Variants in PLK1 observed in about 807,000 individuals in gnomAD.
PLK1 encodes polo like kinase 1, also known as serine/threonine-protein kinase PLK1.
PLK1 carries 6 observed loss-of-function variants against 56.7 expected under a neutral mutation model. The observed-to-expected ratio is 0.11, with a 90% CI of 0.06 to 0.21. The LOEUF is 0.21. Among genes scored for constraint, PLK1 ranks in the 10% least tolerant of loss-of-function variants. PLK1 has a pLI of 1.00. For missense variants in PLK1, 546 were observed against 814.4 expected, an observed-to-expected ratio of 0.67 and a Z score of 4.01; for synonymous variants, 298 against 325.0, an observed-to-expected ratio of 0.92 and a Z score of 0.89.
intron 3 of PLK1, among the ~76,000 whole-genome samples, chr16:23,681,617 G>A (rs1959332634): frequency 6.6e-6 from 1 of 152,200 alleles, no homozygotes. Flanking sequence ...TTGGGCCTAG[G>A]TACTGGAGAG....
intron 2 of PLK1, 91 bp from the exon 3 acceptor site, chr16:23,680,823 G>T: frequency 7.8e-7 from 1 of 1,287,716 alleles, no homozygotes. Context: ...GATGGCCCTG[G>T]TTCTGGATGG....
rs563794006 is a variant in PLK1, at chr16:23,680,023, C to T, written c.409-61C>T. ...GCTTCCTTTGCCTGGTAACCCTCTCCCTTCCCCACCGGCCTCAATCCACCT... is the reference window on the plus strand; with the variant it reads ...GCTTCCTTTGCCTGGTAACCCTCTCTCTTCCCCACCGGCCTCAATCCACCT... On this transcript the variant is annotated intron_variant, in intron 1 of 9. Coordinates refer to ENST00000300093, the MANE Select transcript of PLK1 (RefSeq NM_005030.6). The T allele has an allele frequency of 7.9e-5, 97 of 1,233,378 alleles. 1 individual carries two copies. In the African/African-American group the frequency reaches 1.3e-3, roughly 16 times the overall value. The allele number at this position is 1,233,378 out of a possible 1,614,324, so 76.4% of individuals were successfully genotyped here.
chr16:23,679,361 A>T, intron 1 of PLK1, 21 bp downstream of exon 1: 1 of 1,598,914 alleles, frequency 6.3e-7, no homozygotes. Context: ...CTGCTGGGGA[A>T]CTGGAACTGC....
In PLK1 at chr16:23,689,828, G is replaced by A. The variant is rs745971083; in HGVS notation, c.1609-32G>A. The A allele has an allele frequency of 3.1e-6, 5 of 1,597,764 alleles. No individual in the cohort carries two copies. In the African/African-American group the frequency reaches 4.0e-5, roughly 13 times the overall value. On this transcript the variant is annotated intron_variant, in intron 9 of 9. Transcript: ENST00000300093. The surrounding 1 kb of genome is among the most constrained non-coding windows in gnomAD (Gnocchi z 4.8). ...CTCCCTAACATACACTGGCCTCTGG[G>A]ATCGCCAACCCCTGCTGCTCTTCTC...
chr16:23,686,283 A>T (rs1434018545), intron 5 of PLK1, among the ~76,000 whole-genome samples: 1 of 151,988 alleles, frequency 6.6e-6, no homozygotes, highest in African/African-American at 2.4e-5. Context: ...CTCCTGCCTC[A>T]GACTCCTACT....
Position 23,680,104 on chromosome 16 carries a change from G to A in PLK1, c.429G>A (p.Lys143=). 1 of 1,613,886 alleles carries A rather than the reference G, an allele frequency of 6.2e-7. No individual in the cohort carries two copies. Among genetic ancestry groups the A allele is most frequent in the Non-Finnish European group, 8.5e-7 (1 of 1,179,862 alleles). ...CACAGTCTCTCCTGGAGCTGCACAA[G>A]AGGAGGAAAGCCCTGACTGAGCCTG... The part of the protein sequence containing the change: ...CRRRSLLELH[K]RRKALTEPEA... The change falls in exon 2 of 10, where the codon AAG becomes AAA. Residue 143 remains lysine, a synonymous_variant. Coordinates refer to ENST00000300093, the MANE Select transcript of PLK1 (RefSeq NM_005030.6).
chr16:23,679,342 TGA>T lies in PLK1; in HGVS notation c.408+4_408+5del. 6.2e-7 allele frequency: 1 copy of T among 1,607,568 alleles called. No homozygotes were observed. ...GTGTTGGAGCTCTGCCGCCGGAGGG[TGA>T]GTGTCGCTGCTGGGGAACTGGAACT... On this transcript the variant is annotated splice_donor_region_variant and intron_variant, in intron 1 of 9. Transcript: ENST00000300093.
At chr16:23,679,982 C>A in intron 1 of PLK1, 102 bp from the exon 2 acceptor site, 1 of 755,230 alleles carries the variant, frequency 1.3e-6, no homozygotes. Context: ...CTTGGGAGTC[C>A]AGAGTCCAGT....
At chr16:23,683,172 G>A (rs555442593) in intron 4 of PLK1, among the ~76,000 whole-genome samples, 8 of 151,320 alleles carry the variant, frequency 5.3e-5, no homozygotes, top group Non-Finnish European at 1.0e-4. Context: ...TTCTGTATTT[G>A]TGGTAGAGAC....
chr16:23,679,564 C>T, intron 1 of PLK1: 2 of 530,156 alleles, frequency 3.8e-6, no homozygotes, highest in Non-Finnish European at 6.7e-6. Context: ...GAGTCTGAGT[C>T]ATGTTGCTGA....
chr16:23,682,217 GC>G, intron 4 of PLK1, 60 bp downstream of exon 4: 1 of 930,068 alleles, frequency 1.1e-6, no homozygotes, highest in Non-Finnish European at 1.8e-6. Flanking sequence ...TGTTTATGGA[GC>G]CCAGCAATAT....
At chr16:23,688,474 C>T (rs1959466077) in intron 6 of PLK1, among the ~76,000 whole-genome samples, 194 bp from the exon 7 acceptor site, 1 of 152,230 alleles carries the variant, frequency 6.6e-6, no homozygotes, top group South Asian at 2.1e-4. Context: ...GCAGAGATAT[C>T]TGTGCTGCTG....
chr16:23,688,315 A>G (rs1241905319), intron 6 of PLK1, among the ~76,000 whole-genome samples: 1 of 152,238 alleles, frequency 6.6e-6, no homozygotes, highest in Non-Finnish European at 1.5e-5. Context: ...CTTTGCCCCT[A>G]CAACCACAGT....
At chr16:23,680,358 T>A in intron 2 of PLK1, 106 bp downstream of exon 2, 1 of 816,684 alleles carries the variant, frequency 1.2e-6, no homozygotes, top group Non-Finnish European at 2.0e-6. Context: ...GTATCTTGCC[T>A]ACAGATGCAT....
intron 1 of PLK1, 83 bp downstream of exon 1, chr16:23,679,423 G>C: frequency 7.6e-7 from 1 of 1,313,644 alleles, no homozygotes; most frequent in Non-Finnish European, 1.1e-6. Flanking sequence ...AGAGTACCCA[G>C]CAAGGGAGAG....
chr16:23,680,295 A>AG, intron 2 of PLK1, 43 bp downstream of exon 2: 7 of 1,579,658 alleles, frequency 4.4e-6, no homozygotes, highest in Non-Finnish European at 6.1e-6. Context: ...TCACTACAAG[A>AG]GGCTGGAATT....
rs1177507922 is a variant in PLK1 at position 23,688,657 on chromosome 16, T to C, written c.1193-11T>C. 1 of 1,607,994 alleles carries C rather than the reference T, an allele frequency of 6.2e-7. No homozygotes were observed. The highest frequency in any genetic ancestry group is 1.3e-5 in the African/African-American group (1 of 74,832). On this transcript the variant is annotated splice_polypyrimidine_tract_variant and intron_variant, in intron 6 of 9. Transcript: ENST00000300093. The stretch of plus-strand genomic sequence containing the variant: ...CCTGACCAACTAACTGTCTGTCTGT[T>C]TCTGTCTCAGAGGAGGCTGAGGATC...
In PLK1 at chr16:23,689,229, G is replaced by A. The variant is rs749143196; in HGVS notation, c.1271-9G>A. ...CCCCTTTCTGAGACCTCTCTCCACC[G>A]ATCCCTAGGGTATCAGCTCTGTGAT... On this transcript the variant is annotated splice_polypyrimidine_tract_variant and intron_variant, in intron 7 of 9. Coordinates refer to ENST00000300093, the MANE Select transcript of PLK1 (RefSeq NM_005030.6). This position sits in a 1 kb window ranked among gnomAD's most constrained non-coding sequence, Gnocchi z 4.8. The A allele has an allele frequency of 6.1e-5, 97 of 1,599,510 alleles. No individual in the cohort carries two copies. In the South Asian group the frequency reaches 7.1e-4, roughly 12 times the overall value.
chr16:23,681,461 C>T (rs1290723139), intron 3 of PLK1, among the ~76,000 whole-genome samples: 3 of 152,160 alleles, frequency 2.0e-5, no homozygotes, highest in Non-Finnish European at 4.4e-5. Context: ...TCTTAAACAC[C>T]GATGAGCATT....
Sources: allele counts gnomAD v4.1 joint callset (sites outside exome capture counted in the v4.1 genomes callset), GRCh38; gene constraint gnomAD v4.1.1; non-coding constraint Gnocchi (gnomAD v3.1); transcripts MANE v1.5; gene names NCBI Gene and HGNC (gene_info 2026-07-23, HGNC 2026-07-21).